SLC12A6: variants seen among roughly 807,000 people sequenced by gnomAD.
The protein encoded by SLC12A6 is solute carrier family 12 member 6.
Under a neutral mutation model 135.3 loss-of-function variants are expected in SLC12A6, and 66 were observed. The observed-to-expected ratio is 0.49, with a 90% CI of 0.40 to 0.60. SLC12A6 has a LOEUF of 0.60. Among genes scored for constraint, SLC12A6 ranks in the 20% least tolerant of loss-of-function variants. The pLI, the probability that SLC12A6 is intolerant of heterozygous loss-of-function variation, is 0.00. For synonymous variants in SLC12A6, 513 were observed against 508.8 expected (o/e 1.01, Z -0.11); for missense variants, 1,058 against 1,452.3 (o/e 0.73, Z 4.41).
At chr15:34,305,834 T>A (rs535077852) in intron 2 of SLC12A6, among the ~76,000 whole-genome samples, 1 of 151,590 alleles carries the variant, frequency 6.6e-6, no homozygotes, top group South Asian at 2.1e-4. Flanking sequence ...CTCGGCTCAC[T>A]GCAACCTCTG....
chr15:34,281,784 C>T (rs1320784587), intron 2 of SLC12A6, among the ~76,000 whole-genome samples: 5 of 151,852 alleles, frequency 3.3e-5, no homozygotes, highest in Non-Finnish European at 7.4e-5. Flanking sequence ...AAGATTCTGT[C>T]TCAAAAATAA....
rs1476628708 is a variant in SLC12A6, at chr15:34,293,777, G to GT, written c.272-18389dup. Among the ~76,000 whole-genome samples the GT allele has an allele frequency of 8.6e-5, 13 of 152,022 alleles. No individual in the cohort carries two copies. In the South Asian group the frequency reaches 1.0e-3, roughly 12 times the overall value. ...GTCACACCTTGCTAATTAAAAAAAT[G>GT]TTTTTTTGTAGAGACAAGGTCTCCC... On this transcript the variant is annotated intron_variant, in intron 2 of 25. Coordinates refer to ENST00000354181, the MANE Select transcript of SLC12A6 (RefSeq NM_001365088.1).
rs1891352543 is a variant in SLC12A6 at position 34,237,568 on chromosome 15, A to C, written c.2803-18T>G. 6.2e-7 allele frequency: 1 copy of C among 1,608,596 alleles called. No homozygotes were observed. Among genetic ancestry groups the C allele is most frequent in the African/African-American group, 1.3e-5 (1 of 74,808 alleles). Reference sequence around the variant, plus strand: ...CGCCACACCTGAGAGAGTGACATACACATGTGAAAAATTAGAGCAAGGAGG... The same window carrying C: ...CGCCACACCTGAGAGAGTGACATACCCATGTGAAAAATTAGAGCAAGGAGG... On this transcript the variant is annotated intron_variant, in intron 21 of 25. Coordinates refer to ENST00000354181, the MANE Select transcript of SLC12A6 (RefSeq NM_001365088.1).
At chr15:34,333,022 T>C (rs1889957956) in intron 2 of SLC12A6, among the ~76,000 whole-genome samples, 1 of 152,062 alleles carries the variant, frequency 6.6e-6, no homozygotes. Flanking sequence ...TTTATTTTGT[T>C]ATTTTTTTAG....
At chr15:34,262,977 T>C (rs774946380) in intron 3 of SLC12A6, among the ~76,000 whole-genome samples, 13 of 151,840 alleles carry the variant, frequency 8.6e-5, no homozygotes, top group Non-Finnish European at 4.4e-5. Context: ...TGGCTGGAGG[T>C]CTCTGGCTGG....
Position 34,255,388 on chromosome 15 carries a change from C to T in SLC12A6, c.750G>A (p.Gly250=). The change falls in exon 8 of 26, where the codon GGG becomes GGA. Residue 250 remains glycine, a synonymous_variant. Transcript: ENST00000354181. ...AIATNGVVPA[G]GSYFMISRAL... ...CCCGGGAAATCATAAAGTATGAGCC[C>T]CCAGCTAAAAGACAAAACAGAAGGT... The T allele has an allele frequency of 1.2e-6, 2 of 1,608,582 alleles. No individual in the cohort carries two copies. The highest frequency in any genetic ancestry group is 1.7e-6 in the Non-Finnish European group (2 of 1,175,036).
chr15:34,268,997 T>C (rs1045903099), intron 3 of SLC12A6, among the ~76,000 whole-genome samples: 4 of 151,860 alleles, frequency 2.6e-5, no homozygotes, highest in African/African-American at 7.3e-5. Flanking sequence ...GCTGGAATTA[T>C]AGGCGCCTGC....
rs1227418022 is a variant in SLC12A6, at chr15:34,254,506, G to C, written c.960C>G (p.Val320=). 2 of 1,613,184 alleles carry C rather than the reference G, an allele frequency of 1.2e-6. No homozygotes were observed. The highest frequency in any genetic ancestry group is 1.7e-6 in the Non-Finnish European group (2 of 1,179,148). The change falls in exon 9 of 26, where the codon GTC becomes GTG. Residue 320 remains valine, a synonymous_variant. Coordinates refer to ENST00000354181, the MANE Select transcript of SLC12A6 (RefSeq NM_001365088.1). Reference sequence around the variant, plus strand: ...TAAGGACCAAGAAAGCTGTGCCGTAGACACGCATGTTATTTAGCATGGCTG... The same window carrying C: ...TAAGGACCAAGAAAGCTGTGCCGTACACACGCATGTTATTTAGCATGGCTG... ...ESAAMLNNMR[V]YGTAFLVLMV...
At chr15:34,238,439 G>C (rs1891423488) in intron 20 of SLC12A6, 38 bp from the exon 21 acceptor site, 1 of 1,532,382 alleles carries the variant, frequency 6.5e-7, no homozygotes, top group Non-Finnish European at 9.0e-7. Flanking sequence ...AGAATCCTTA[G>C]GCTTGCCTTG....
chr15:34,255,487 G>T (rs1220572755), intron 7 of SLC12A6, 95 bp from the exon 8 acceptor site: 3 of 901,790 alleles, frequency 3.3e-6, no homozygotes, highest in Non-Finnish European at 5.4e-6. Context: ...TATACATAAA[G>T]GTTAAATGTT....
rs1311972602 is a variant in SLC12A6 at position 34,243,130 on chromosome 15, GA to G, written c.2042+843del. Among the ~76,000 whole-genome samples the G allele has an allele frequency of 7.2e-5, 11 of 152,230 alleles. No homozygotes were observed. The East Asian group carries it at 1.8e-3, about 24-fold the overall frequency. On this transcript the variant is annotated intron_variant, in intron 16 of 25. Transcript: ENST00000354181. ...CTGGTCTCAAACTCCTGACCTAGGT[GA>G]TCCGCCTGCCTTGGCCTCCCAAAGT...
chr15:34,257,971 T>C, intron 5 of SLC12A6, 183 bp from the exon 6 acceptor site: 1 of 590,706 alleles, frequency 1.7e-6, no homozygotes, highest in Non-Finnish European at 3.0e-6. Flanking sequence ...TCACCATACT[T>C]TTATTATTCC....
At chr15:34,319,130 C>CTTTTT (rs926815901) in intron 2 of SLC12A6, among the ~76,000 whole-genome samples, 3 of 135,394 alleles carry the variant, frequency 2.2e-5, no homozygotes, top group African/African-American at 8.5e-5. Context: ...GAACAGTTAA[C>CTTTTT]TTTTTTTTTT....
Position 34,337,422 on chromosome 15 carries a change from C to T in SLC12A6, c.-163G>A. The T allele has an allele frequency of 6.5e-6, 1 of 153,840 alleles. No individual in the cohort carries two copies. The highest frequency in any genetic ancestry group is 1.4e-5 in the Non-Finnish European group (1 of 69,180). 9.5% of individuals were successfully genotyped at this position (153,840 alleles called of 1,614,324 possible). A position where few individuals can be genotyped will look rare whatever the true frequency, so the allele number is the denominator to read the frequency against. ...CGGTGGGGGTGGCGCGCCCGCTCTTCTCCTAGCAGAAAGGTCCTCGGGGTC... is the reference window on the plus strand; with the variant it reads ...CGGTGGGGGTGGCGCGCCCGCTCTTTTCCTAGCAGAAAGGTCCTCGGGGTC... On this transcript the variant is annotated 5_prime_UTR_variant, in exon 1 of 26. Transcript: ENST00000354181.
intron 2 of SLC12A6, among the ~76,000 whole-genome samples, chr15:34,281,720 G>T (rs556814429): frequency 4.6e-5 from 7 of 152,192 alleles, no homozygotes; most frequent in African/African-American, 1.7e-4. Flanking sequence ...TTCAGGAGGC[G>T]GAGGTTGCAG....
At chr15:34,328,691 C>A (rs1368035661) in intron 2 of SLC12A6, among the ~76,000 whole-genome samples, 3 of 152,128 alleles carry the variant, frequency 2.0e-5, no homozygotes, top group Non-Finnish European at 4.4e-5. Context: ...CCAACCTGAG[C>A]AACATGGCAA....
chr15:34,324,145 A>G (rs894451156), intron 2 of SLC12A6, among the ~76,000 whole-genome samples: 2 of 152,208 alleles, frequency 1.3e-5, no homozygotes, highest in African/African-American at 4.8e-5. Context: ...AAATATGTAT[A>G]TAACAGCTTT....
chr15:34,265,054 G>A (rs574011488), intron 3 of SLC12A6, among the ~76,000 whole-genome samples: 49 of 152,176 alleles, frequency 3.2e-4, no homozygotes, highest in African/African-American at 1.1e-3. Flanking sequence ...AAAATTAGCC[G>A]GGCGTGGTGG....
chr15:34,245,770 C>T lies in SLC12A6; in HGVS notation c.1747G>A (p.Ala583Thr). Residue 583 changes from alanine (A) to threonine (T), a missense_variant, in exon 14 of 26, where the codon GCT becomes ACT. Transcript: ENST00000354181. ...GCACCTGTGAGGCTCTGAAGTCCAG[C>T]CCCACATGTTGAAAAGAAGGAGCCA... Reference protein sequence around the residue: ...VIGSFFSTCGAGLQSLTGAPR... With the variant: ...VIGSFFSTCGTGLQSLTGAPR... 6.2e-7 allele frequency: 1 copy of T among 1,613,628 alleles called. No homozygotes were observed. The highest frequency in any genetic ancestry group is 8.5e-7 in the Non-Finnish European group (1 of 1,179,560).
Sources: allele counts gnomAD v4.1 joint callset (sites outside exome capture counted in the v4.1 genomes callset), GRCh38; gene constraint gnomAD v4.1.1; transcripts MANE v1.5; gene names NCBI Gene and HGNC (gene_info 2026-07-23, HGNC 2026-07-21).